THOC1: variants seen among roughly 807,000 people sequenced by gnomAD.
THOC1 encodes THO complex 1.
In THOC1, 29 loss-of-function variants were observed where a neutral mutation model predicts 97.3. The ratio of observed to expected loss-of-function variants is 0.30; its 90% CI spans 0.22 to 0.41. The LOEUF is 0.41. Ranked by LOEUF, THOC1 falls within the 10% of genes least tolerant of loss-of-function variation. The pLI is 1.00. For synonymous variants in THOC1, 255 were observed against 257.0 expected, an observed-to-expected ratio of 0.99 and a Z score of 0.07; for missense variants, 529 against 761.9, an observed-to-expected ratio of 0.69 and a Z score of 3.60.
At chr18:224,800 T>A (rs931456748) in intron 15 of THOC1, 124 bp downstream of exon 15, 9 of 793,358 alleles carry the variant, frequency 1.1e-5, no homozygotes, top group Non-Finnish European at 1.4e-5. Context: ...CAACTTACAT[T>A]TTTTATGTGA....
chr18:218,623 A>G (rs1440499526), intron 18 of THOC1, among the ~76,000 whole-genome samples: 1 of 152,054 alleles, frequency 6.6e-6, no homozygotes, highest in Admixed American at 6.6e-5. Context: ...CAGAACTAAT[A>G]GTTGGAGAGA....
intron 17 of THOC1, among the ~76,000 whole-genome samples, chr18:220,406 C>T (rs967998625): frequency 2.0e-5 from 3 of 151,980 alleles, no homozygotes; most frequent in East Asian, 1.9e-4. Flanking sequence ...ATTGACTTTA[C>T]AAACCACCAA....
intron 19 of THOC1, 104 bp downstream of exon 19, chr18:216,382 A>C: frequency 8.0e-7 from 1 of 1,252,342 alleles, no homozygotes; most frequent in Non-Finnish European, 1.1e-6. Flanking sequence ...CTTGTGGATC[A>C]CTGGTTTTTC....
chr18:222,918 C>G (rs1038878228), intron 17 of THOC1, among the ~76,000 whole-genome samples: 3 of 151,750 alleles, frequency 2.0e-5, no homozygotes, highest in Non-Finnish European at 4.4e-5. Flanking sequence ...TTGCCTCTTT[C>G]CCATTCTCTA....
At chr18:249,968 T>C (rs941875639) in intron 9 of THOC1, among the ~76,000 whole-genome samples, 2 of 152,198 alleles carry the variant, frequency 1.3e-5, no homozygotes, top group African/African-American at 2.4e-5. Flanking sequence ...CATGCAACCA[T>C]TATATGTCCC....
rs202031653 is a variant in THOC1 at position 254,368 on chromosome 18, C to CA, written c.521-14dup. 2.1e-3 allele frequency: 3,227 copies of CA among 1,516,712 alleles called. 36 individuals are homozygous for CA. In the African/African-American group the frequency reaches 0.036, roughly 17 times the overall value. The allele number at this position is 1,516,712 out of a possible 1,614,324, so 94.0% of individuals were successfully genotyped here. Reference sequence around the variant, plus strand: ...TGCAAGTTAAGACCTAGTAAAAAAACAAAAAAAAGATGCAAAGCAAGTCCA... The same window carrying CA: ...TGCAAGTTAAGACCTAGTAAAAAAACAAAAAAAAAGATGCAAAGCAAGTCCA... On this transcript the variant is annotated splice_polypyrimidine_tract_variant and intron_variant, in intron 7 of 20. Coordinates refer to ENST00000261600, the MANE Select transcript of THOC1 (RefSeq NM_005131.3). This position sits in a 1 kb window ranked among gnomAD's most constrained non-coding sequence, Gnocchi z 4.1.
chr18:238,555 C>G (rs976837386), intron 11 of THOC1, among the ~76,000 whole-genome samples: 3 of 152,174 alleles, frequency 2.0e-5, no homozygotes. Flanking sequence ...ACCTGTAGAG[C>G]ATGTTACTGC....
chr18:252,750 A>G (rs1017351344), intron 8 of THOC1, 138 bp from the exon 9 acceptor site: 16 of 681,186 alleles, frequency 2.3e-5, no homozygotes, highest in Non-Finnish European at 4.1e-5. Context: ...ATCTAGACCT[A>G]TAGTTAATCT....
At chr18:225,192 G>A (rs1911238692) in intron 13 of THOC1, 53 bp from the exon 14 acceptor site, 5 of 1,536,874 alleles carry the variant, frequency 3.3e-6, no homozygotes. Context: ...CATCATAGGA[G>A]TGGTTTGTAG....
chr18:236,811 A>G (rs938395387), intron 11 of THOC1, among the ~76,000 whole-genome samples: 8 of 152,194 alleles, frequency 5.3e-5, no homozygotes, highest in Non-Finnish European at 1.0e-4. Flanking sequence ...CCAGTGAGGT[A>G]CAGTACACAA....
chr18:234,054 G>A (rs1911588352), intron 11 of THOC1, among the ~76,000 whole-genome samples: 1 of 152,156 alleles, frequency 6.6e-6, no homozygotes, highest in African/African-American at 2.4e-5. Context: ...ATTACGCCTA[G>A]GTATTGGAGA....
intron 8 of THOC1, among the ~76,000 whole-genome samples, chr18:253,384 T>A (rs1281971969): frequency 6.6e-6 from 1 of 152,246 alleles, no homozygotes. Context: ...ATAATCTGAA[T>A]GTCCACAGGC....
intron 11 of THOC1, chr18:245,573 G>C (rs1912061464): frequency 6.6e-6 from 1 of 152,274 alleles, no homozygotes; most frequent in Non-Finnish European, 1.5e-5. Flanking sequence ...CCCAAAACTG[G>C]ATAAAAGTTC....
At position 226,893 on chromosome 18, in the gene THOC1, A is replaced by G. The variant is rs748934253; in HGVS notation, c.927T>C (p.Asp309=). The change falls in exon 12 of 21, where the codon GAT becomes GAC. Residue 309 remains aspartate, a synonymous_variant. Coordinates refer to ENST00000261600, the MANE Select transcript of THOC1 (RefSeq NM_005131.3). ...GAAAGTTACTGTCACTCAGTTGTAA[A>G]TCCATCAGCTACTCAAGAAACAAGC... ...AKFLTSEKLM[D]LQLSDSNFRR... 6.2e-7 allele frequency: 1 copy of G among 1,608,216 alleles called. No homozygotes were observed. The highest frequency in any genetic ancestry group is 8.5e-7 in the Non-Finnish European group (1 of 1,177,228).
intron 11 of THOC1, among the ~76,000 whole-genome samples, chr18:227,395 G>A (rs1911329912): frequency 6.6e-6 from 1 of 152,108 alleles, no homozygotes; most frequent in South Asian, 2.1e-4. Context: ...AGAAGATACG[G>A]ATAACAGCAC....
At chr18:252,678 GAATAAGT>G (rs1912317768) in intron 8 of THOC1, 66 bp from the exon 9 acceptor site, 7 of 1,357,472 alleles carry the variant, frequency 5.2e-6, no homozygotes, top group Non-Finnish European at 6.2e-6. Flanking sequence ...ATAAATGCTA[GAATAAGT>G]GGTCAGTTAC....
In THOC1 at chr18:226,798, T is replaced by C. The variant is rs1911306317; in HGVS notation, c.1019+3A>G. The C allele has an allele frequency of 1.9e-6, 3 of 1,605,496 alleles. No individual in the cohort carries two copies. Among genetic ancestry groups the C allele is most frequent in the East Asian group, 4.5e-5 (2 of 44,776 alleles). Reference sequence around the variant, plus strand: ...AAATTGTTTACTACCCATATTATCTTACCTTTTGAATTTGACCTGCCCCTT... The same window carrying C: ...AAATTGTTTACTACCCATATTATCTCACCTTTTGAATTTGACCTGCCCCTT... On this transcript the variant is annotated splice_donor_region_variant and intron_variant, in intron 12 of 20. Transcript: ENST00000261600.
chr18:267,618 C>T (rs746085746), intron 1 of THOC1, among the ~76,000 whole-genome samples: 13 of 152,146 alleles, frequency 8.5e-5, no homozygotes, highest in Non-Finnish European at 1.9e-4. Context: ...CCCCCTTCAG[C>T]AGCTCCCCTT....
Position 259,361 on chromosome 18 carries a change from G to C in THOC1, c.425-86C>G, listed in dbSNP as rs192052754. ...CACCTAAAAGTTTCTAAACCAGTGT[G>C]TCAAGAGTATTTTCCTAAAGCAGTA... On this transcript the variant is annotated intron_variant, in intron 6 of 20. Transcript: ENST00000261600. The C allele has an allele frequency of 1.3e-5, 15 of 1,130,550 alleles. No homozygotes were observed. The Admixed American group carries it at 1.4e-4, about 11-fold the overall frequency. The allele number at this position is 1,130,550 out of a possible 1,614,324, so 70.0% of individuals were successfully genotyped here.
Sources: gnomAD v4.1 joint callset for allele counts (sites outside exome capture counted in the v4.1 genomes callset) on GRCh38, gnomAD v4.1.1 for gene constraint, Gnocchi (gnomAD v3.1) non-coding constraint, MANE v1.5 for transcripts, NCBI Gene and HGNC (gene_info 2026-07-23, HGNC 2026-07-21) for gene names.